The following DPYD variants were observed in gnomAD, a reference collection of about 807,000 sequenced individuals.
DPYD encodes the protein dihydropyrimidine dehydrogenase [NADP(+)].
In DPYD, 109 loss-of-function variants were observed where a neutral mutation model predicts 116.2. That is an observed-to-expected ratio of 0.94 (90% CI 0.80 to 1.10). The LOEUF (loss-of-function observed/expected upper bound fraction) is 1.10. DPYD is among the 50% of genes least tolerant of loss of function. The probability of loss-of-function intolerance (pLI) is 0.00; values close to 1 mark genes in which losing one functional copy is unlikely to be tolerated. For synonymous variants in DPYD, 440 were observed against 432.0 expected (o/e 1.02, Z -0.23); for missense variants, 1,302 against 1,254.5 (o/e 1.04, Z -0.57).
At chr1:97,181,884 T>C (rs1468332131) in intron 20 of DPYD, among the ~76,000 whole-genome samples, 1 of 152,196 alleles carries the variant, frequency 6.6e-6, no homozygotes, top group Non-Finnish European at 1.5e-5. Flanking sequence ...AGAGGATTTC[T>C]CTTTTTTATC....
chr1:97,465,841 G>A (rs1249282966), intron 13 of DPYD, among the ~76,000 whole-genome samples: 1 of 152,168 alleles, frequency 6.6e-6, no homozygotes, highest in Non-Finnish European at 1.5e-5. Flanking sequence ...CCCTACTGAG[G>A]CTGTGTCATG....
intron 11 of DPYD, among the ~76,000 whole-genome samples, chr1:97,572,902 T>C (rs1358942190): frequency 1.3e-5 from 2 of 151,994 alleles, no homozygotes; most frequent in Admixed American, 1.3e-4. Flanking sequence ...AAAAATGTAA[T>C]TTTAGCATGG....
chr1:97,579,409 A>G (rs914151184), intron 10 of DPYD, among the ~76,000 whole-genome samples: 1 of 152,238 alleles, frequency 6.6e-6, no homozygotes, highest in Non-Finnish European at 1.5e-5. Context: ...GTAACAGGAC[A>G]CAGCAGAAGA....
intron 4 of DPYD, among the ~76,000 whole-genome samples, chr1:97,733,897 G>T (rs1347009240): frequency 6.6e-6 from 1 of 151,906 alleles, no homozygotes; most frequent in East Asian, 1.9e-4. Context: ...TGACTAATAT[G>T]CAAGCAGGCT....
intron 10 of DPYD, among the ~76,000 whole-genome samples, chr1:97,589,437 T>C (rs1202470337): frequency 6.6e-6 from 1 of 152,190 alleles, no homozygotes; most frequent in Non-Finnish European, 1.5e-5. Context: ...TCTTATCTTT[T>C]TGCTCAGCAC....
chr1:97,848,117 A>G (rs1369973120), intron 2 of DPYD, among the ~76,000 whole-genome samples: 1 of 152,020 alleles, frequency 6.6e-6, no homozygotes, highest in Admixed American at 6.5e-5. Flanking sequence ...TTTTTTTTTG[A>G]GACGGAGTCT....
chr1:97,356,501 A>G (rs1670437172), intron 16 of DPYD, among the ~76,000 whole-genome samples: 1 of 152,182 alleles, frequency 6.6e-6, no homozygotes, highest in Middle Eastern at 3.2e-3. Context: ...GCTGTTCTGC[A>G]ATATTTGCTG....
intron 8 of DPYD, among the ~76,000 whole-genome samples, chr1:97,598,169 T>C (rs563799282): frequency 3.9e-5 from 6 of 152,108 alleles, no homozygotes; most frequent in Non-Finnish European, 8.8e-5. Flanking sequence ...AATAAAGTAT[T>C]AAACCTTAGC....
chr1:97,754,164 A>G (rs1665092380), intron 3 of DPYD, among the ~76,000 whole-genome samples: 1 of 152,148 alleles, frequency 6.6e-6, no homozygotes. Flanking sequence ...AGTTTAATTC[A>G]TATCATAAGG....
rs573216766 is a variant in DPYD, at chr1:97,423,720, A to G, written c.1905+26339T>C. Among the ~76,000 whole-genome samples the G allele has an allele frequency of 2.6e-5, 4 of 152,084 alleles. No homozygotes were observed. In the East Asian group the frequency reaches 7.8e-4, roughly 30 times the overall value. ...ATGCATTCAGACAATTGAATCACCA[A>G]CCCCCTGACATACTGCAGAATCTCT... On this transcript the variant is annotated intron_variant, in intron 14 of 22. Coordinates refer to ENST00000370192, the MANE Select transcript of DPYD (RefSeq NM_000110.4).
intron 14 of DPYD, among the ~76,000 whole-genome samples, chr1:97,433,573 GT>G (rs894149920): frequency 5.3e-5 from 8 of 152,028 alleles, no homozygotes; most frequent in Admixed American, 1.3e-4. Context: ...TTTTGTTATG[GT>G]TATTAGGGTA....
chr1:97,471,000 AAGG>A (rs1677617430), intron 13 of DPYD, among the ~76,000 whole-genome samples: 1 of 152,192 alleles, frequency 6.6e-6, no homozygotes, highest in Non-Finnish European at 1.5e-5. Context: ...CAAAAAAAAA[AAGG>A]TTTCTGAATT....
At chr1:97,765,470 C>T (rs1665796883) in intron 3 of DPYD, among the ~76,000 whole-genome samples, 3 of 152,160 alleles carry the variant, frequency 2.0e-5, no homozygotes, top group African/African-American at 7.2e-5. Context: ...GCAGCTAGGA[C>T]AGTCAACACA....
intron 8 of DPYD, among the ~76,000 whole-genome samples, chr1:97,655,318 A>G (rs1271683834): frequency 1.3e-5 from 2 of 152,200 alleles, no homozygotes; most frequent in East Asian, 3.9e-4. Flanking sequence ...CAGCTCACAC[A>G]AAAGTATGTA....
chr1:97,228,942 A>G (rs951479891), intron 19 of DPYD, among the ~76,000 whole-genome samples: 9 of 152,078 alleles, frequency 5.9e-5, no homozygotes, highest in African/African-American at 2.2e-4. Flanking sequence ...GCCTGTCTGT[A>G]ATCCCAGCAC....
At chr1:97,343,855 CAAGTTAAAA>C (rs1669706709) in intron 16 of DPYD, among the ~76,000 whole-genome samples, 1 of 151,690 alleles carries the variant, frequency 6.6e-6, no homozygotes, top group Admixed American at 6.6e-5. Context: ...AAAGCAATGC[CAAGTTAAAA>C]AAGTCTGTAA....
At chr1:97,659,327 G>C (rs1347489975) in intron 8 of DPYD, among the ~76,000 whole-genome samples, 1 of 152,094 alleles carries the variant, frequency 6.6e-6, no homozygotes, top group African/African-American at 2.4e-5. Flanking sequence ...GTCCAACCAG[G>C]CTGCTTATAA....
At chr1:97,378,495 G>T (rs889143550) in intron 15 of DPYD, among the ~76,000 whole-genome samples, 1 of 152,084 alleles carries the variant, frequency 6.6e-6, no homozygotes, top group Admixed American at 6.6e-5. Context: ...ATGCCTTTCT[G>T]CTGGACCTTC....
chr1:97,234,712 A>T (rs183213436), intron 19 of DPYD, 140 bp downstream of exon 19: 3 of 1,029,708 alleles, frequency 2.9e-6, no homozygotes, highest in Non-Finnish European at 4.3e-6. Flanking sequence ...AGAGGAACTT[A>T]ATACATGCTG....
Sources: gnomAD v4.1 joint callset for allele counts (sites outside exome capture counted in the v4.1 genomes callset) on GRCh38, gnomAD v4.1.1 for gene constraint, MANE v1.5 for transcripts, NCBI Gene and HGNC (gene_info 2026-07-23, HGNC 2026-07-21) for gene names.